The following FANCB variants were observed in gnomAD, a reference collection of about 807,000 sequenced individuals.
The protein encoded by FANCB is Fanconi anemia group B protein.
FANCB carries 5 observed loss-of-function variants against 38.9 expected under a neutral mutation model. The ratio of observed to expected loss-of-function variants is 0.13; its 90% CI spans 0.07 to 0.27. FANCB has a LOEUF of 0.27. Ranked by LOEUF, FANCB falls within the 10% of genes least tolerant of loss-of-function variation. FANCB has a pLI of 1.00. For synonymous variants in FANCB, 236 were observed against 215.4 expected (o/e 1.10, Z -0.84); for missense variants, 573 against 602.7 (o/e 0.95, Z 0.52).
At chrX:14,784,993 A>C in the FANCB span, among the ~76,000 whole-genome samples, 1 of 111,716 alleles carries the variant, frequency 9.0e-6, no homozygotes, top group Non-Finnish European at 1.9e-5. Flanking sequence ...GGAGGGGAAC[A>C]ACACACACTG....
chrX:14,728,754 G>A, the FANCB span, among the ~76,000 whole-genome samples: 1 of 112,200 alleles, frequency 8.9e-6, no homozygotes, highest in Non-Finnish European at 1.9e-5. Flanking sequence ...AAAGGGAGGT[G>A]GCACCTGGGT....
the FANCB span, among the ~76,000 whole-genome samples, chrX:14,828,747 G>A: frequency 9.0e-6 from 1 of 111,566 alleles, no homozygotes; most frequent in African/African-American, 3.3e-5. Context: ...GACAGTCTCT[G>A]TCACCCAGAC....
At chrX:14,863,142 A>G (rs2092454162) in intron 3 of FANCB, among the ~76,000 whole-genome samples, 1 of 112,242 alleles carries the variant, frequency 8.9e-6, no homozygotes, top group East Asian at 2.8e-4. Flanking sequence ...AGTACTTGGT[A>G]AGGCAAAGCC....
chrX:14,807,273 T>C, the FANCB span, among the ~76,000 whole-genome samples: 1 of 112,417 alleles, frequency 8.9e-6, no homozygotes, highest in Non-Finnish European at 1.9e-5. Context: ...AACAACTATA[T>C]GTGAGAACAT....
the FANCB span, among the ~76,000 whole-genome samples, chrX:14,744,181 G>C: frequency 3.2e-3 from 357 of 111,219 alleles, 2 homozygotes; most frequent in African/African-American, 0.011. Context: ...GCAGGTGCCG[G>C]AGTAAAATTC....
At chrX:14,788,123 G>A in the FANCB span, among the ~76,000 whole-genome samples, 2 of 108,223 alleles carry the variant, frequency 1.8e-5, no homozygotes, top group Admixed American at 1.0e-4. Flanking sequence ...AAATGTGCCC[G>A]AGAGGGACTG....
the FANCB span, among the ~76,000 whole-genome samples, chrX:14,794,113 T>G: frequency 8.9e-6 from 1 of 111,767 alleles, no homozygotes; most frequent in Non-Finnish European, 1.9e-5. Flanking sequence ...ACTTACATAC[T>G]TTTACATACA....
chrX:14,691,318 TGTGTGTGCGC>T, the FANCB span, among the ~76,000 whole-genome samples: 2 of 64,264 alleles, frequency 3.1e-5, no homozygotes, highest in African/African-American at 6.9e-5. Context: ...TGTGTGTGTG[TGTGTGTGCGC>T]GCGTGCGTGC....
chrX:14,691,314 T>C, the FANCB span, among the ~76,000 whole-genome samples: 1 of 92,784 alleles, frequency 1.1e-5, no homozygotes, highest in African/African-American at 4.9e-5. Context: ...TGTGTGTGTG[T>C]GTGTGTGTGT....
chrX:14,775,363 G>A, the FANCB span, among the ~76,000 whole-genome samples: 1 of 110,586 alleles, frequency 9.0e-6, no homozygotes, highest in Non-Finnish European at 1.9e-5. Flanking sequence ...CAGGCATTGT[G>A]GGACAAAAGA....
the FANCB span, among the ~76,000 whole-genome samples, chrX:14,788,032 G>A: frequency 9.5e-6 from 1 of 105,425 alleles, no homozygotes; most frequent in Admixed American, 1.0e-4. Context: ...AAGAAAAGGA[G>A]AAATCTGGCT....
At chrX:14,869,388 T>C (rs746242673) in intron 1 of FANCB, 1 of 111,937 alleles carries the variant, frequency 8.9e-6, no homozygotes, top group Non-Finnish European at 1.9e-5. Flanking sequence ...ATGGTCAGAA[T>C]TTATGAAAGT....
chrX:14,856,815 G>T (rs944979221), intron 5 of FANCB, among the ~76,000 whole-genome samples: 1 of 111,410 alleles, frequency 9.0e-6, no homozygotes, highest in Non-Finnish European at 1.9e-5. Context: ...TACATAAAAA[G>T]ACCAATAAGA....
At chrX:14,848,154 T>C (rs948283092) in intron 7 of FANCB, among the ~76,000 whole-genome samples, 3 of 111,636 alleles carry the variant, frequency 2.7e-5, no homozygotes, top group Non-Finnish European at 5.7e-5. Context: ...CCTGAAACTA[T>C]TGCTATGGAA....
the FANCB span, among the ~76,000 whole-genome samples, chrX:14,699,657 C>T: frequency 1.8e-5 from 2 of 111,582 alleles, no homozygotes; most frequent in Non-Finnish European, 3.8e-5. Context: ...CAATAGAAGA[C>T]CAGAACTTAT....
the FANCB span, among the ~76,000 whole-genome samples, chrX:14,712,239 C>G: frequency 8.9e-6 from 1 of 112,316 alleles, no homozygotes; most frequent in Non-Finnish European, 1.9e-5. Flanking sequence ...TGGGGGCTGT[C>G]TTGTGCATTG....
At chrX:14,754,356 G>A in the FANCB span, among the ~76,000 whole-genome samples, 1 of 112,245 alleles carries the variant, frequency 8.9e-6, no homozygotes, top group African/African-American at 3.2e-5. Flanking sequence ...AGAAATCCTG[G>A]ACAGACCAAT....
At chrX:14,808,007 G>C in the FANCB span, among the ~76,000 whole-genome samples, 1 of 111,537 alleles carries the variant, frequency 9.0e-6, no homozygotes, top group Admixed American at 9.5e-5. Flanking sequence ...AACCTACCAA[G>C]ATGGAACCAG....
the FANCB span, among the ~76,000 whole-genome samples, chrX:14,811,966 C>T: frequency 1.8e-5 from 2 of 111,977 alleles, no homozygotes; most frequent in Admixed American, 9.5e-5. Context: ...CAAACTGTCT[C>T]TTAGACCACA....
Sources: gnomAD v4.1 joint callset for allele counts (sites outside exome capture counted in the v4.1 genomes callset) on GRCh38, gnomAD v4.1.1 for gene constraint, MANE v1.5 for transcripts, NCBI Gene and HGNC (gene_info 2026-07-23, HGNC 2026-07-21) for gene names.